DDX55: variants seen among roughly 807,000 people sequenced by gnomAD.
The protein encoded by DDX55 is DEAD-box helicase 55.
DDX55 carries 56 observed loss-of-function variants against 69.2 expected under a neutral mutation model. The ratio of observed to expected loss-of-function variants is 0.81; its 90% CI spans 0.65 to 1.01. The LOEUF (loss-of-function observed/expected upper bound fraction) is 1.01, where lower values mean the gene tolerates loss of function less well. DDX55 is among the 50% of genes least tolerant of loss of function. DDX55 has a pLI of 0.00. For synonymous variants in DDX55, 268 were observed against 273.1 expected (o/e 0.98, Z 0.18); for missense variants, 720 against 745.1 (o/e 0.97, Z 0.39).
At position 123,613,264 on chromosome 12, in the gene DDX55, G is replaced by A. The variant is rs751318491; in HGVS notation, c.824+12G>A. 13 of 1,613,314 alleles carry A rather than the reference G, an allele frequency of 8.1e-6. No homozygotes were observed. The Admixed American group carries it at 2.2e-4, about 27-fold the overall frequency. On this transcript the variant is annotated intron_variant, in intron 8 of 13. Transcript: ENST00000238146. ...CTGGTCTTCTTCAGGTACTCCTCTG[G>A]TCTCTGTGGTAGAGGCATCAGGGAT...
chr12:123,615,346 C>A, intron 9 of DDX55, 30 bp downstream of exon 9: 1 of 1,610,406 alleles, frequency 6.2e-7, no homozygotes, highest in South Asian at 1.1e-5. Flanking sequence ...GGTAGCAGCT[C>A]TCCTGCCACA....
chr12:123,602,110 G>T lies in DDX55; in HGVS notation c.-39G>T. 1 of 1,521,180 alleles carries T rather than the reference G, an allele frequency of 6.6e-7. No individual in the cohort carries two copies. 94.2% of individuals were successfully genotyped at this position (1,521,180 alleles called of 1,614,324 possible). ...TGCTCGTTGGGGGTGCACAAGGCGC[G>T]TTCGAGCAGCGGCGACCGACGCGGC... On this transcript the variant is annotated 5_prime_UTR_variant, in exon 1 of 14. Transcript: ENST00000238146.
At chr12:123,616,849 C>A in intron 10 of DDX55, 3 of 447,610 alleles carry the variant, frequency 6.7e-6, no homozygotes, top group Middle Eastern at 5.7e-4. Context: ...TGAGAGAAAA[C>A]AAAAAACAAC....
chr12:123,618,360 C>G (rs753884018), intron 11 of DDX55: 1 of 672,488 alleles, frequency 1.5e-6, no homozygotes, highest in South Asian at 1.4e-5. Flanking sequence ...ATGGAGTGAC[C>G]AAGTCTCCTG....
rs376035037 is a variant in DDX55, at chr12:123,610,005, G to A, written c.618G>A (p.Thr206=). The A allele has an allele frequency of 3.1e-6, 5 of 1,614,032 alleles. No homozygotes were observed. Among genetic ancestry groups the A allele is most frequent in the African/African-American group, 2.7e-5 (2 of 74,912 alleles). ...CAGGCCTTTTCTCTGCCACTCAGAC[G>A]CAGGAAGTGGAGAACCTGGTGAGAG... The part of the protein sequence containing the change: ...RRTGLFSATQ[T]QEVENLVRAG... Residue 206 remains threonine (T), a synonymous_variant, in exon 7 of 14, where the codon ACG becomes ACA. Transcript: ENST00000238146.
chr12:123,618,109 C>T (rs59126974), intron 11 of DDX55: 124,021 of 446,566 alleles, frequency 0.28, 19,085 homozygotes, highest in African/African-American at 0.41. Context: ...CTCCACCTCC[C>T]GGGTTCAATG....
intron 7 of DDX55, among the ~76,000 whole-genome samples, chr12:123,611,210 A>T (rs1254575946): frequency 6.6e-6 from 1 of 152,210 alleles, no homozygotes; most frequent in Non-Finnish European, 1.5e-5. Flanking sequence ...AAATATGCTG[A>T]ATTTCTAGTA....
Position 123,620,648 on chromosome 12 carries a change from AT to A in DDX55, c.*512del, listed in dbSNP as rs1955075996. On this transcript the variant is annotated 3_prime_UTR_variant, in exon 14 of 14. Transcript: ENST00000238146. ...TATATAAGCTCTTTTTTCTGAGGCTATTTTATAGTTATTTTTAAACATAAAG... is the reference window on the plus strand; with the variant it reads ...TATATAAGCTCTTTTTTCTGAGGCTATTTATAGTTATTTTTAAACATAAAG... The A allele has an allele frequency of 8.7e-6, 1 of 114,954 alleles. No individual in the cohort carries two copies. The allele number at this position is 114,954 out of a possible 1,614,324, so 7.1% of individuals were successfully genotyped here.
intron 11 of DDX55, chr12:123,618,379 C>T (rs1244745936): frequency 1.7e-5 from 13 of 743,302 alleles, no homozygotes; most frequent in Non-Finnish European, 2.9e-5. Context: ...TGTGTGGTAG[C>T]ATGCCCTGCT....
In DDX55 at chr12:123,613,765, A is replaced by C. The variant is rs116398976; in HGVS notation, c.824+513A>C. The stretch of plus-strand genomic sequence containing the variant: ...CCCCTCACTTCAAGAGCAGCAGAGA[A>C]AATGAGTGCGCAGCTTTTCTGCCTC... On this transcript the variant is annotated intron_variant, in intron 8 of 13. Transcript: ENST00000238146. 3.0e-3 allele frequency among the ~76,000 whole-genome samples: 454 copies of C among 152,320 alleles called. 1 individual carries two copies. Among genetic ancestry groups the C allele is most frequent in the African/African-American group, 1.0e-2 (414 of 41,562 alleles).
In DDX55 at chr12:123,620,206, T is replaced by A. The variant is rs1027184372; in HGVS notation, c.*66T>A. On this transcript the variant is annotated 3_prime_UTR_variant, in exon 14 of 14. Coordinates refer to ENST00000238146, the MANE Select transcript of DDX55 (RefSeq NM_020936.3). ...CCTAACTTGGTGGATGGCTCCAGTT[T>A]GCTTTTAACGAAAATCACAACTTCA... is the stretch of plus-strand genomic sequence containing the variant. 7 of 1,505,450 alleles carry A rather than the reference T, an allele frequency of 4.6e-6. No individual in the cohort carries two copies. The East Asian group carries it at 1.6e-4, about 34-fold the overall frequency. The allele number at this position is 1,505,450 out of a possible 1,614,324, so 93.3% of individuals were successfully genotyped here.
chr12:123,602,145 C>A lies in DDX55; in HGVS notation c.-4C>A, dbSNP rs566698119. Reference sequence around the variant, plus strand: ...CGGCGACCGACGCGGCGAAGGAGCGCGCCATGGAGCATGTGACAGAGGGCT... The same window carrying A: ...CGGCGACCGACGCGGCGAAGGAGCGAGCCATGGAGCATGTGACAGAGGGCT... On this transcript the variant is annotated 5_prime_UTR_variant, in exon 1 of 14. Transcript: ENST00000238146. 8.4e-6 allele frequency: 13 copies of A among 1,547,752 alleles called. No individual in the cohort carries two copies. The South Asian group carries it at 1.3e-4, about 16-fold the overall frequency.
chr12:123,612,229 A>G (rs1367322378), intron 7 of DDX55, among the ~76,000 whole-genome samples: 1 of 152,188 alleles, frequency 6.6e-6, no homozygotes, highest in African/African-American at 2.4e-5. Context: ...TTCAAAAGCC[A>G]AAAAACACTT....
Position 123,618,836 on chromosome 12 carries a change from G to C in DDX55, c.1332G>C (p.Lys444Asn), listed in dbSNP as rs1954908113. The C allele has an allele frequency of 6.2e-7, 1 of 1,613,636 alleles. No individual in the cohort carries two copies. Among genetic ancestry groups the C allele is most frequent in the African/African-American group, 1.3e-5 (1 of 74,928 alleles). Reference protein sequence around the residue: ...KHECNLIFRLKDLDFASLARG... With the variant: ...KHECNLIFRLNDLDFASLARG... ...AATGCAACCTGATTTTCAGATTAAA[G>C]GGTAAGTTGGACTTCTTCATGTGAT... The change falls in exon 12 of 14, where the codon AAG becomes AAC. Residue 444 changes from lysine (K) to asparagine (N), a missense_variant and splice_region_variant. Physicochemically the swap from Lys to Asn is moderately conservative, Grantham distance 94. Transcript: ENST00000238146.
At chr12:123,604,228 G>A (rs1239696535) in intron 1 of DDX55, among the ~76,000 whole-genome samples, 3 of 152,150 alleles carry the variant, frequency 2.0e-5, no homozygotes, top group Admixed American at 6.5e-5. Context: ...GCAACATAGT[G>A]AGACCCGCAT....
In DDX55 at chr12:123,602,245, A is replaced by G; in HGVS notation, c.97A>G (p.Thr33Ala). The change falls in exon 1 of 14, where the codon ACG becomes GCG. Residue 33 changes from threonine to alanine, a missense_variant. Transcript: ENST00000238146. ...GCGGGAGCTGGGCTTCCCGTACATG[A>G]CGCCGGTGCAGGTATCGGTTCCCTG... ...ALRELGFPYM[T>A]PVQSATIPLF... 6.4e-7 allele frequency: 1 copy of G among 1,564,226 alleles called. No individual in the cohort carries two copies. The highest frequency in any genetic ancestry group is 8.6e-7 in the Non-Finnish European group (1 of 1,157,728).
Position 123,616,259 on chromosome 12 carries a change from T to G in DDX55, c.957-252T>G, listed in dbSNP as rs1954656857. ...TACAAAGGATTAGACCCATACAGTT[T>G]TGGTTTTCAAATGGCAGTGCTGTAA... is the stretch of plus-strand genomic sequence containing the variant. On this transcript the variant is annotated intron_variant, in intron 9 of 13. Coordinates refer to ENST00000238146, the MANE Select transcript of DDX55 (RefSeq NM_020936.3). 2.0e-5 allele frequency among the ~76,000 whole-genome samples: 3 copies of G among 152,226 alleles called. 1 individual carries two copies. The South Asian group carries it at 6.2e-4, about 32-fold the overall frequency.
Position 123,607,533 on chromosome 12 carries a change from A to C in DDX55, c.338+10A>C, listed in dbSNP as rs376680229. ...ACTTCCCCGAGTTCAGGTGAATTGG[A>C]TGCAGTGTCCCTGTTAGTCATGGGC... On this transcript the variant is annotated intron_variant, in intron 4 of 13. Coordinates refer to ENST00000238146, the MANE Select transcript of DDX55 (RefSeq NM_020936.3). 5.0e-6 allele frequency: 8 copies of C among 1,614,052 alleles called. No individual in the cohort carries two copies. In the African/African-American group the frequency reaches 5.3e-5, roughly 11 times the overall value.
Position 123,618,855 on chromosome 12 carries a change from A to G in DDX55, c.1333+18A>G, listed in dbSNP as rs1156963748. The G allele has an allele frequency of 3.7e-6, 6 of 1,612,000 alleles. No homozygotes were observed. The highest frequency in any genetic ancestry group is 5.1e-6 in the Non-Finnish European group (6 of 1,178,494). On this transcript the variant is annotated intron_variant, in intron 12 of 13. Transcript: ENST00000238146. ...ATTAAAGGGTAAGTTGGACTTCTTC[A>G]TGTGATAATGTCTCCATCTTAACTA...
Sources: allele counts gnomAD v4.1 joint callset (sites outside exome capture counted in the v4.1 genomes callset), GRCh38; gene constraint gnomAD v4.1.1; transcripts MANE v1.5; gene names NCBI Gene and HGNC (gene_info 2026-07-23, HGNC 2026-07-21).